Variants in PDE4D observed in about 807,000 individuals in gnomAD.
The protein encoded by PDE4D is 3',5'-cyclic-AMP phosphodiesterase 4D.
PDE4D carries 24 observed loss-of-function variants against 87.4 expected under a neutral mutation model. The observed-to-expected ratio is 0.27, with a 90% confidence interval of 0.20 to 0.39. The LOEUF (loss-of-function observed/expected upper bound fraction) is 0.39, where lower values mean the gene tolerates loss of function less well. Among genes scored for constraint, PDE4D ranks in the 10% least tolerant of loss-of-function variants. The pLI, the probability that PDE4D is intolerant of heterozygous loss-of-function variation, is 1.00. For missense variants in PDE4D, 714 were observed against 1,041.0 expected (o/e 0.69, Z 4.32); for synonymous variants, 384 against 383.2 (o/e 1.00, Z -0.02).
chr5:59,800,651 TC>T (rs1257819972), intron 1 of PDE4D, among the ~76,000 whole-genome samples: 4 of 126,180 alleles, frequency 3.2e-5, no homozygotes, highest in African/African-American at 9.1e-5. Context: ...ACCTAACACC[TC>T]TCACAAGTTG....
intron 1 of PDE4D, among the ~76,000 whole-genome samples, chr5:59,478,579 T>A (rs1170669179): frequency 6.6e-6 from 1 of 152,120 alleles, no homozygotes; most frequent in African/African-American, 2.4e-5. Context: ...TTTAAATATC[T>A]TAATTAGTTT....
intron 1 of PDE4D, among the ~76,000 whole-genome samples, chr5:59,843,729 C>G (rs954405286): frequency 6.6e-6 from 1 of 152,066 alleles, no homozygotes; most frequent in Non-Finnish European, 1.5e-5. Flanking sequence ...CTAGCCATCT[C>G]TGTCTAACTG....
intron 1 of PDE4D, among the ~76,000 whole-genome samples, chr5:60,257,283 G>T (rs1237926371): frequency 2.6e-5 from 4 of 151,460 alleles, no homozygotes; most frequent in Non-Finnish European, 5.9e-5. Flanking sequence ...AGAGAAAAAA[G>T]AAAACACAAC....
intron 1 of PDE4D, among the ~76,000 whole-genome samples, chr5:59,411,447 T>C (rs906119490): frequency 2.3e-4 from 35 of 152,162 alleles, no homozygotes; most frequent in African/African-American, 7.0e-4. Context: ...ATACCACAGA[T>C]TGGGTGGCTT....
chr5:59,760,425 G>T (rs1176013732), intron 1 of PDE4D, among the ~76,000 whole-genome samples: 1 of 152,150 alleles, frequency 6.6e-6, no homozygotes. Flanking sequence ...AAATACATAT[G>T]TGTATACAAG....
chr5:59,555,449 G>A (rs1159522597), intron 1 of PDE4D, among the ~76,000 whole-genome samples: 1 of 151,614 alleles, frequency 6.6e-6, no homozygotes, highest in Non-Finnish European at 1.5e-5. Flanking sequence ...CCCATGACAG[G>A]AGCTTACCTA....
intron 2 of PDE4D, among the ~76,000 whole-genome samples, chr5:59,200,791 T>C (rs1161738216): frequency 6.6e-6 from 1 of 151,658 alleles, no homozygotes; most frequent in African/African-American, 2.4e-5. Context: ...TTGGGAGATA[T>C]AGAACAACTT....
intron 1 of PDE4D, among the ~76,000 whole-genome samples, chr5:60,431,482 G>A (rs1482034923): frequency 1.8e-4 from 27 of 150,944 alleles, no homozygotes; most frequent in Admixed American, 1.4e-3. Flanking sequence ...ATGGGCGGCC[G>A]GGCAGAGACG....
At chr5:60,183,462 T>A (rs1003312456) in intron 2 of PDE4D, among the ~76,000 whole-genome samples, 2 of 152,076 alleles carry the variant, frequency 1.3e-5, no homozygotes, top group African/African-American at 4.8e-5. Context: ...AGTTGAAGAG[T>A]GACTAAATGG....
chr5:59,119,205 C>T (rs186987672), intron 5 of PDE4D, among the ~76,000 whole-genome samples: 49 of 152,250 alleles, frequency 3.2e-4, no homozygotes, highest in South Asian at 1.5e-3. Flanking sequence ...TTGCCAAAAT[C>T]TTATTATCAT....
At chr5:60,477,459 T>C (rs1053066767) in intron 1 of PDE4D, among the ~76,000 whole-genome samples, 10 of 151,988 alleles carry the variant, frequency 6.6e-5, no homozygotes, top group African/African-American at 2.2e-4. Context: ...TAAGTTGAGA[T>C]TTTTCTGTTT....
intron 2 of PDE4D, among the ~76,000 whole-genome samples, chr5:60,064,730 G>T (rs537701976): frequency 2.0e-5 from 3 of 152,032 alleles, no homozygotes; most frequent in Non-Finnish European, 2.9e-5. Flanking sequence ...TCTCCTCTTA[G>T]ATTAAATCAA....
At chr5:60,376,278 A>G (rs1371356072) in intron 1 of PDE4D, among the ~76,000 whole-genome samples, 2 of 152,188 alleles carry the variant, frequency 1.3e-5, no homozygotes, top group Non-Finnish European at 2.9e-5. Context: ...GATAAGCATC[A>G]TTGTTATCAT....
In PDE4D at chr5:59,447,401, A is replaced by T. The variant is rs187910482; in HGVS notation, c.456-231433T>A. Among the ~76,000 whole-genome samples the T allele has an allele frequency of 1.8e-4, 28 of 152,342 alleles. 1 individual carries two copies. The highest frequency in any genetic ancestry group is 1.6e-3 in the Admixed American group (24 of 15,306). ...AGCTATTAATTCATTAATTATCAAT[A>T]AACACTTTTTAGGGTGTCCATTGTG... is the stretch of plus-strand genomic sequence containing the variant. On this transcript the variant is annotated intron_variant, in intron 1 of 14. Transcript: ENST00000340635.
At chr5:59,216,555 C>T (rs1345334972) in intron 1 of PDE4D, among the ~76,000 whole-genome samples, 1 of 152,160 alleles carries the variant, frequency 6.6e-6, no homozygotes, top group African/African-American at 2.4e-5. Context: ...CAGTTTAAAA[C>T]CCTTCAGTAA....
intron 1 of PDE4D, among the ~76,000 whole-genome samples, chr5:59,794,944 C>G (rs17310599): frequency 0.18 from 26,655 of 152,074 alleles, 3,069 homozygotes; most frequent in South Asian, 0.24. Context: ...TGGAGAGAAG[C>G]TGCCTGAGTT....
intron 1 of PDE4D, among the ~76,000 whole-genome samples, chr5:59,411,569 C>T (rs941322133): frequency 5.3e-5 from 8 of 152,154 alleles, no homozygotes; most frequent in African/African-American, 1.9e-4. Flanking sequence ...AGATGGCTGC[C>T]TTCTTACCAT....
intron 1 of PDE4D, among the ~76,000 whole-genome samples, chr5:59,463,869 C>T (rs1801136036): frequency 6.6e-6 from 1 of 152,298 alleles, no homozygotes; most frequent in African/African-American, 2.4e-5. Flanking sequence ...TTGTTCTGCA[C>T]TAAGAAAAAT....
At chr5:60,046,573 T>C (rs1176787317) in intron 2 of PDE4D, among the ~76,000 whole-genome samples, 2 of 152,234 alleles carry the variant, frequency 1.3e-5, no homozygotes, top group Admixed American at 6.5e-5. Flanking sequence ...GTTTTTAGCA[T>C]GAAGCATTGT....
Sources: gnomAD v4.1 joint callset for allele counts (sites outside exome capture counted in the v4.1 genomes callset) on GRCh38, gnomAD v4.1.1 for gene constraint, MANE v1.5 for transcripts, NCBI Gene and HGNC (gene_info 2026-07-23, HGNC 2026-07-21) for gene names.